The following CREB3L2 variants were observed in gnomAD, a reference collection of about 807,000 sequenced individuals.
The protein encoded by CREB3L2 is cAMP responsive element binding protein 3 like 2.
In CREB3L2, 23 loss-of-function variants were observed where a neutral mutation model predicts 57.2. That is an observed-to-expected ratio of 0.40 (90% CI 0.29 to 0.57). The LOEUF (loss-of-function observed/expected upper bound fraction) is 0.57, where lower values mean the gene tolerates loss of function less well. CREB3L2 is among the 20% of genes least tolerant of loss of function. CREB3L2 has a pLI of 0.42. For synonymous variants in CREB3L2, 268 were observed against 265.1 expected, an observed-to-expected ratio of 1.01 and a Z score of -0.11; for missense variants, 628 against 634.7, an observed-to-expected ratio of 0.99 and a Z score of 0.11.
At chr7:137,931,866 T>C (rs1231069121) in intron 1 of CREB3L2, among the ~76,000 whole-genome samples, 1 of 152,222 alleles carries the variant, frequency 6.6e-6, no homozygotes, top group Non-Finnish European at 1.5e-5. Context: ...AAAATTTGAA[T>C]ACAAAATTTA....
rs1799193350 is a variant in CREB3L2 at position 137,877,879 on chromosome 7, G to A, written c.*2597C>T. The A allele has an allele frequency of 4.4e-6, 1 of 228,728 alleles. No homozygotes were observed. The highest frequency in any genetic ancestry group is 6.3e-5 in the East Asian group (1 of 15,888). The allele number at this position is 228,728 out of a possible 1,614,324, so 14.2% of individuals were successfully genotyped here. On this transcript the variant is annotated 3_prime_UTR_variant, in exon 12 of 12. Coordinates refer to ENST00000330387, the MANE Select transcript of CREB3L2 (RefSeq NM_194071.4). The stretch of plus-strand genomic sequence containing the variant: ...CCATTAACTATTTGGAACCAATCTG[G>A]TGCTATACAACTCTTCTGTGTCCTC...
At position 137,883,745 on chromosome 7, in the gene CREB3L2, C is replaced by T. The variant is rs1799348274; in HGVS notation, c.1271-1117G>A. ...GTAGTGTTTCTTACTATAGTGTATT[C>T]AGCTATTTTAAGGTAACTGCAGGTA... On this transcript the variant is annotated intron_variant, in intron 10 of 11. Coordinates refer to ENST00000330387, the MANE Select transcript of CREB3L2 (RefSeq NM_194071.4). Among the ~76,000 whole-genome samples, 3 of 152,188 alleles carry T rather than the reference C, an allele frequency of 2.0e-5. No homozygotes were observed. In the South Asian group the frequency reaches 6.2e-4, roughly 32 times the overall value.
At position 137,877,242 on chromosome 7, in the gene CREB3L2, C is replaced by T. The variant is rs1799175088; in HGVS notation, c.*3234G>A. 4.4e-6 allele frequency: 1 copy of T among 226,258 alleles called. No individual in the cohort carries two copies. The highest frequency in any genetic ancestry group is 8.8e-6 in the Non-Finnish European group (1 of 113,812). 14.0% of individuals were successfully genotyped at this position (226,258 alleles called of 1,614,324 possible). Reference sequence around the variant, plus strand: ...AATAAGTTAAACTAAAAGCTGCTTTCACAATCTACAAATTAGGCCTCCAAA... The same window carrying T: ...AATAAGTTAAACTAAAAGCTGCTTTTACAATCTACAAATTAGGCCTCCAAA... On this transcript the variant is annotated 3_prime_UTR_variant, in exon 12 of 12. Coordinates refer to ENST00000330387, the MANE Select transcript of CREB3L2 (RefSeq NM_194071.4).
At chr7:137,957,768 G>T in intron 1 of CREB3L2, 1 of 1,288,726 alleles carries the variant, frequency 7.8e-7, no homozygotes, top group Non-Finnish European at 1.0e-6. Flanking sequence ...AAGACTGGCT[G>T]TACAAGAAGA....
At chr7:137,944,746 T>C (rs939036701) in intron 1 of CREB3L2, among the ~76,000 whole-genome samples, 17 of 152,224 alleles carry the variant, frequency 1.1e-4, no homozygotes, top group Admixed American at 9.2e-4. Flanking sequence ...GAAAAATATA[T>C]TGTGAAAACT....
chr7:137,882,584 C>G lies in CREB3L2; in HGVS notation c.1315G>C (p.Glu439Gln), dbSNP rs368005647. ...LLIYEEHSPP[E>Q]ESSSPGSAGE... ...GCCGAGCCCGGGCTGGATGACTCCTCTGGGGGAGAATGTTCCTCGTAGATC... is the reference window on the plus strand; with the variant it reads ...GCCGAGCCCGGGCTGGATGACTCCTGTGGGGGAGAATGTTCCTCGTAGATC... Residue 439 changes from glutamate (E) to glutamine (Q), a missense_variant, in exon 11 of 12, where the codon GAG (glutamate) becomes CAG (glutamine). Coordinates refer to ENST00000330387, the MANE Select transcript of CREB3L2 (RefSeq NM_194071.4). 1 of 1,612,152 alleles carries G rather than the reference C, an allele frequency of 6.2e-7. No homozygotes were observed. Among genetic ancestry groups the G allele is most frequent in the African/African-American group, 1.3e-5 (1 of 74,896 alleles).
rs369164175 is a variant in CREB3L2, at chr7:137,942,963, T to G, written c.103-14597A>C. Among the ~76,000 whole-genome samples, 34 of 152,294 alleles carry G rather than the reference T, an allele frequency of 2.2e-4. No individual in the cohort carries two copies. In the East Asian group the frequency reaches 3.7e-3, roughly 16 times the overall value. On this transcript the variant is annotated intron_variant, in intron 1 of 11. Coordinates refer to ENST00000330387, the MANE Select transcript of CREB3L2 (RefSeq NM_194071.4). ...CAATGCCTCGGGGGTGGGGGAGATATTCTAGAAAGAAAGTCAGCACAGCTT... is the reference window on the plus strand; with the variant it reads ...CAATGCCTCGGGGGTGGGGGAGATAGTCTAGAAAGAAAGTCAGCACAGCTT...
intron 4 of CREB3L2, among the ~76,000 whole-genome samples, chr7:137,908,908 A>C (rs1799950014): frequency 2.0e-5 from 3 of 152,140 alleles, no homozygotes. Flanking sequence ...CCCAGGAGGC[A>C]GAGATTGCAG....
At chr7:137,956,604 G>C (rs117938418) in intron 1 of CREB3L2, 1 of 1,288,870 alleles carries the variant, frequency 7.8e-7, no homozygotes. Flanking sequence ...TCCTTCACAC[G>C]GACAGCCATG....
intron 4 of CREB3L2, 35 bp downstream of exon 4, chr7:137,912,956 C>T: frequency 6.2e-7 from 1 of 1,611,736 alleles, no homozygotes; most frequent in South Asian, 1.1e-5. Flanking sequence ...AGACCATATC[C>T]ATAACCCAAA....
intron 1 of CREB3L2, among the ~76,000 whole-genome samples, chr7:137,937,911 T>C (rs1364950447): frequency 2.0e-5 from 3 of 151,296 alleles, no homozygotes; most frequent in Non-Finnish European, 4.4e-5. Context: ...AAATGAAGTA[T>C]GTGAAATAGA....
At chr7:137,922,384 GTATATATATATATATATATATATATATA>G (rs1175503933) in intron 2 of CREB3L2, among the ~76,000 whole-genome samples, 2 of 19,580 alleles carry the variant, frequency 1.0e-4, no homozygotes, top group African/African-American at 4.8e-4. Context: ...ATATATATAT[GTATATATATATATATATATATATATATA>G]TATGTATATA....
intron 6 of CREB3L2, among the ~76,000 whole-genome samples, chr7:137,905,392 TAAA>T (rs35597981): frequency 0.12 from 16,282 of 137,500 alleles, 2,550 homozygotes; most frequent in African/African-American, 0.36. Flanking sequence ...AAGGCTGAGT[TAAA>T]AAAAAAAAAA....
chr7:137,972,195 C>T (rs1801518888), intron 1 of CREB3L2, among the ~76,000 whole-genome samples: 1 of 152,094 alleles, frequency 6.6e-6, no homozygotes, highest in African/African-American at 2.4e-5. Flanking sequence ...AATCCCAGCA[C>T]TTTAGGAAGC....
intron 3 of CREB3L2, among the ~76,000 whole-genome samples, chr7:137,915,036 C>T (rs1800098253): frequency 6.6e-6 from 1 of 152,136 alleles, no homozygotes; most frequent in South Asian, 2.1e-4. Context: ...TGCAGATAGA[C>T]ATTCTATCTT....
chr7:137,906,803 A>T (rs1486583671), intron 5 of CREB3L2, among the ~76,000 whole-genome samples: 1 of 152,216 alleles, frequency 6.6e-6, no homozygotes, highest in Non-Finnish European at 1.5e-5. Context: ...GTTGCACTGC[A>T]CAAGCTCTCT....
At chr7:137,922,392 A>G (rs1439795024) in intron 2 of CREB3L2, among the ~76,000 whole-genome samples, 1,193 of 19,100 alleles carry the variant, frequency 0.062, 62 homozygotes, top group African/African-American at 0.25. Flanking sequence ...ATGTATATAT[A>G]TATATATATA....
chr7:137,912,860 C>A, intron 4 of CREB3L2, 131 bp downstream of exon 4: 1 of 1,539,964 alleles, frequency 6.5e-7, no homozygotes, highest in Non-Finnish European at 8.8e-7. Context: ...TTTTTAAGAA[C>A]AGAGCTATTT....
rs569977845 is a variant in CREB3L2 at position 137,880,209 on chromosome 7, C to G, written c.*267G>C. The G allele has an allele frequency of 2.0e-6, 1 of 491,946 alleles. No individual in the cohort carries two copies. Among genetic ancestry groups the G allele is most frequent in the South Asian group, 2.4e-5 (1 of 41,032 alleles). 30.5% of individuals were successfully genotyped at this position (491,946 alleles called of 1,614,324 possible). ...TTGGTGGAAACAAGCCTGCTTGTCC[C>G]ACCTCCAACCCCTAAAATAATTTCC... On this transcript the variant is annotated 3_prime_UTR_variant, in exon 12 of 12. Transcript: ENST00000330387. The surrounding 1 kb of genome is among the most constrained non-coding windows in gnomAD (Gnocchi z 4.0).
Sources: allele counts gnomAD v4.1 joint callset (sites outside exome capture counted in the v4.1 genomes callset), GRCh38; gene constraint gnomAD v4.1.1; non-coding constraint Gnocchi (gnomAD v3.1); transcripts MANE v1.5; gene names NCBI Gene and HGNC (gene_info 2026-07-23, HGNC 2026-07-21).